Variants in FGF12 observed in about 807,000 individuals in gnomAD.
FGF12 encodes fibroblast growth factor 12, also known as fibroblast growth factor 12B.
In FGF12, 14 loss-of-function variants were observed where a neutral mutation model predicts 23.6. The observed-to-expected ratio is 0.59, with a 90% CI of 0.39 to 0.93. The LOEUF (loss-of-function observed/expected upper bound fraction) is 0.93, where lower values mean the gene tolerates loss of function less well. FGF12 is among the 40% of genes least tolerant of loss of function. The pLI, the probability that FGF12 is intolerant of heterozygous loss-of-function variation, is 0.00. For missense variants in FGF12, 175 were observed against 217.8 expected, an observed-to-expected ratio of 0.80 and a Z score of 1.24; for synonymous variants, 62 against 77.3, an observed-to-expected ratio of 0.80 and a Z score of 1.04.
intron 2 of FGF12, among the ~76,000 whole-genome samples, chr3:192,595,996 G>A (rs1215932720): frequency 2.0e-5 from 3 of 151,720 alleles, no homozygotes; most frequent in African/African-American, 7.3e-5. Context: ...GGGAGGCTGA[G>A]GTGGGAGGAT....
At chr3:192,676,660 G>C (rs902575826) in intron 2 of FGF12, among the ~76,000 whole-genome samples, 1 of 152,152 alleles carries the variant, frequency 6.6e-6, no homozygotes, top group African/African-American at 2.4e-5. Flanking sequence ...AAGTTAAAAT[G>C]AGGTCATTAG....
chr3:192,342,825 C>T (rs1001218545), intron 3 of FGF12, among the ~76,000 whole-genome samples: 3 of 152,028 alleles, frequency 2.0e-5, no homozygotes, highest in Admixed American at 6.6e-5. Flanking sequence ...AATGATACTG[C>T]ACCAAAAAAT....
intron 4 of FGF12, among the ~76,000 whole-genome samples, chr3:192,240,074 AT>A (rs1241396105): frequency 4.6e-5 from 7 of 152,298 alleles, no homozygotes; most frequent in African/African-American, 1.7e-4. Context: ...TGTCTTATAC[AT>A]TTTTCATAGA....
chr3:192,577,048 C>A (rs539099651), intron 2 of FGF12, among the ~76,000 whole-genome samples: 109 of 152,128 alleles, frequency 7.2e-4, no homozygotes, highest in African/African-American at 1.7e-3. Flanking sequence ...CACACCAGGG[C>A]CTGTCGGCGG....
chr3:192,725,417 A>T (rs543843755), intron 2 of FGF12, among the ~76,000 whole-genome samples: 2 of 152,210 alleles, frequency 1.3e-5, no homozygotes, highest in African/African-American at 4.8e-5. Flanking sequence ...ATTGACATAG[A>T]ACTTCTGAAC....
At chr3:192,326,902 T>C (rs1454287365) in intron 4 of FGF12, among the ~76,000 whole-genome samples, 1 of 152,194 alleles carries the variant, frequency 6.6e-6, no homozygotes, top group Non-Finnish European at 1.5e-5. Context: ...CTTTTGTCAC[T>C]CAGCAATAAT....
At chr3:192,201,355 G>A (rs1224797753) in intron 4 of FGF12, among the ~76,000 whole-genome samples, 2 of 152,204 alleles carry the variant, frequency 1.3e-5, no homozygotes, top group Non-Finnish European at 2.9e-5. Flanking sequence ...TCAGAAAGGG[G>A]CAGGCAAGGG....
In FGF12 at chr3:192,360,031, T is replaced by C. The variant is rs529186303; in HGVS notation, c.124+397A>G. Among the ~76,000 whole-genome samples, 3 of 152,258 alleles carry C rather than the reference T, an allele frequency of 2.0e-5. No homozygotes were observed. The South Asian group carries it at 6.2e-4, about 32-fold the overall frequency. On this transcript the variant is annotated intron_variant, in intron 3 of 5. Transcript: ENST00000445105. The surrounding 1 kb of genome is among the most constrained non-coding windows in gnomAD (Gnocchi z 4.3). ...TTTTTGTCTGTCAGAAATTGTGTTCTAAGAAATATAGAACTTGTTCATTAT... is the reference window on the plus strand; with the variant it reads ...TTTTTGTCTGTCAGAAATTGTGTTCCAAGAAATATAGAACTTGTTCATTAT...
chr3:192,640,790 C>CT lies in FGF12; in HGVS notation c.13+86390dup, dbSNP rs34132622. 5.8e-3 allele frequency among the ~76,000 whole-genome samples: 714 copies of CT among 122,206 alleles called. 4 individuals are homozygous for CT. The highest frequency in any genetic ancestry group is 0.02 in the African/African-American group (678 of 33,366). 80.2% of individuals were successfully genotyped at this position (122,206 alleles called of 152,430 possible). A position where few individuals can be genotyped will look rare whatever the true frequency, so the allele number is the denominator to read the frequency against. On this transcript the variant is annotated intron_variant, in intron 2 of 5. Transcript: ENST00000445105. Reference sequence around the variant, plus strand: ...TTGTATAGGCTGAGAGTTAAAACCCCTTTTTTTTGTTTGTTTGTTTGTTTG... The same window carrying CT: ...TTGTATAGGCTGAGAGTTAAAACCCCTTTTTTTTTGTTTGTTTGTTTGTTTG...
chr3:192,677,574 A>G (rs1717371848), intron 2 of FGF12, among the ~76,000 whole-genome samples: 1 of 152,266 alleles, frequency 6.6e-6, no homozygotes, highest in African/African-American at 2.4e-5. Context: ...GAAAGATACA[A>G]AAGGCTCCAA....
chr3:192,432,428 C>T (rs938417698), intron 2 of FGF12, among the ~76,000 whole-genome samples: 1 of 151,920 alleles, frequency 6.6e-6, no homozygotes, highest in Non-Finnish European at 1.5e-5. Flanking sequence ...CACTCCCCTT[C>T]GACATAAGTA....
Position 192,458,741 on chromosome 3 carries a change from C to T in FGF12, c.14-98203G>A, listed in dbSNP as rs113388489. Among the ~76,000 whole-genome samples the T allele has an allele frequency of 6.0e-3, 915 of 152,210 alleles. 8 individuals are homozygous for T. The highest frequency in any genetic ancestry group is 0.021 in the African/African-American group (877 of 41,528). ...TGAAATGAGTTAAGACTTTGAGGGACTGTTGGGAAGGCACAATTGGTTTTA... is the reference window on the plus strand; with the variant it reads ...TGAAATGAGTTAAGACTTTGAGGGATTGTTGGGAAGGCACAATTGGTTTTA... On this transcript the variant is annotated intron_variant, in intron 2 of 5. Transcript: ENST00000445105.
At chr3:192,684,151 G>A (rs1006068934) in intron 2 of FGF12, among the ~76,000 whole-genome samples, 3 of 152,134 alleles carry the variant, frequency 2.0e-5, no homozygotes, top group Admixed American at 2.0e-4. Context: ...CCATTAACCT[G>A]CATGGTTCAA....
intron 2 of FGF12, among the ~76,000 whole-genome samples, chr3:192,587,796 G>A (rs1184853314): frequency 6.6e-6 from 1 of 151,766 alleles, no homozygotes; most frequent in African/African-American, 2.4e-5. Context: ...ATTCCAGCTG[G>A]GTGACACAGG....
chr3:192,229,896 C>T (rs1286073201), intron 4 of FGF12, among the ~76,000 whole-genome samples: 1 of 152,084 alleles, frequency 6.6e-6, no homozygotes, highest in South Asian at 2.1e-4. Context: ...GTTTTCTCAT[C>T]TGTAAAATAA....
At chr3:192,572,269 T>C (rs1463300539) in intron 2 of FGF12, among the ~76,000 whole-genome samples, 1 of 152,184 alleles carries the variant, frequency 6.6e-6, no homozygotes, top group East Asian at 1.9e-4. Flanking sequence ...CTCCAAATGA[T>C]TATTTAGCAT....
intron 2 of FGF12, among the ~76,000 whole-genome samples, chr3:192,706,048 T>C (rs1718457739): frequency 6.6e-6 from 1 of 152,212 alleles, no homozygotes; most frequent in African/African-American, 2.4e-5. Context: ...CATCTGTTAA[T>C]CCTTAGCCTC....
At chr3:192,317,898 T>G (rs1315303974) in intron 4 of FGF12, among the ~76,000 whole-genome samples, 2 of 152,036 alleles carry the variant, frequency 1.3e-5, no homozygotes, top group African/African-American at 4.8e-5. Flanking sequence ...AGAGAGAGAC[T>G]GCATTTGCTT....
intron 2 of FGF12, among the ~76,000 whole-genome samples, chr3:192,551,539 G>A (rs760565824): frequency 2.0e-5 from 3 of 152,152 alleles, no homozygotes; most frequent in Admixed American, 6.5e-5. Flanking sequence ...AAGTCCTAAC[G>A]CAGCCAGAGT....
Sources: gnomAD v4.1 joint callset for allele counts (sites outside exome capture counted in the v4.1 genomes callset) on GRCh38, gnomAD v4.1.1 for gene constraint, Gnocchi (gnomAD v3.1) non-coding constraint, MANE v1.5 for transcripts, NCBI Gene and HGNC (gene_info 2026-07-23, HGNC 2026-07-21) for gene names.